The following PGS1 variants were observed in gnomAD, a reference collection of about 807,000 sequenced individuals.
PGS1 encodes the protein CDP-diacylglycerol--glycerol-3-phosphate 3-phosphatidyltransferase, mitochondrial.
PGS1 carries 44 observed loss-of-function variants against 58.3 expected under a neutral mutation model. The observed-to-expected ratio is 0.75, with a 90% CI of 0.59 to 0.97. The LOEUF (loss-of-function observed/expected upper bound fraction) is 0.97, where lower values mean the gene tolerates loss of function less well. PGS1 is among the 50% of genes least tolerant of loss of function. PGS1 has a pLI of 0.00. For missense variants in PGS1, 684 were observed against 731.1 expected (o/e 0.94, Z 0.74); for synonymous variants, 330 against 311.0 (o/e 1.06, Z -0.64).
At chr17:78,414,385 G>A (rs1435870563) in intron 7 of PGS1, among the ~76,000 whole-genome samples, 2 of 152,222 alleles carry the variant, frequency 1.3e-5, no homozygotes, top group African/African-American at 2.4e-5. Context: ...AGAAGCACGC[G>A]TGAGCTGATT....
At chr17:78,402,413 TATATATATATATATACAC>T (rs1430780200) in intron 6 of PGS1, among the ~76,000 whole-genome samples, 4,685 of 23,822 alleles carry the variant, frequency 0.2, 220 homozygotes, top group African/African-American at 0.37. Flanking sequence ...TATATATATA[TATATATATATATATACAC>T]ACACACACAC....
intron 9 of PGS1, chr17:78,420,066 C>A (rs1173975073): frequency 2.8e-6 from 3 of 1,060,400 alleles, no homozygotes; most frequent in African/African-American, 1.7e-5. Context: ...GAGATGTAGA[C>A]GTGGGAGGAG....
At chr17:78,394,414 G>A (rs981937226) in intron 2 of PGS1, among the ~76,000 whole-genome samples, 1 of 151,958 alleles carries the variant, frequency 6.6e-6, no homozygotes, top group Non-Finnish European at 1.5e-5. Context: ...GCACACAGGC[G>A]TGTCCTTTTG....
intron 8 of PGS1, among the ~76,000 whole-genome samples, 197 bp from the exon 9 acceptor site, chr17:78,419,349 A>G (rs542300435): frequency 3.1e-4 from 47 of 152,244 alleles, no homozygotes; most frequent in African/African-American, 1.1e-3. Context: ...TAGCTTTTCT[A>G]AGGAATGTTT....
chr17:78,413,784 C>T (rs1189127379), intron 7 of PGS1, among the ~76,000 whole-genome samples: 2 of 152,298 alleles, frequency 1.3e-5, no homozygotes, highest in East Asian at 1.9e-4. Context: ...TGCTGGGCTG[C>T]GGGAGTCGGC....
rs1160420885 is a variant in PGS1, at chr17:78,399,529, C to G, written c.693C>G (p.Ile231Met). ...IKVYLFDNSV[I>M]LSGANLSDSY... is the part of the protein sequence containing the mutation. ...TGTACCTCTTCGACAACAGCGTCATCTTGAGCGGGTGAGTGCTTCCCACCG... is the reference window on the plus strand; with the variant it reads ...TGTACCTCTTCGACAACAGCGTCATGTTGAGCGGGTGAGTGCTTCCCACCG... Residue 231 changes from isoleucine (I) to methionine (M), a missense_variant, in exon 5 of 10, where the codon ATC becomes ATG. Coordinates refer to ENST00000262764, the MANE Select transcript of PGS1 (RefSeq NM_024419.5). 1.2e-6 allele frequency: 2 copies of G among 1,614,164 alleles called. No individual in the cohort carries two copies. The highest frequency in any genetic ancestry group is 2.2e-5 in the South Asian group (2 of 91,080).
intron 1 of PGS1, among the ~76,000 whole-genome samples, chr17:78,384,327 G>A (rs2082233046): frequency 6.6e-6 from 1 of 152,184 alleles, no homozygotes; most frequent in Non-Finnish European, 1.5e-5. Context: ...AGGGCCGCCT[G>A]CTGCCAGGGT....
intron 9 of PGS1, among the ~76,000 whole-genome samples, chr17:78,422,099 C>T (rs1444992515): frequency 6.6e-6 from 1 of 152,186 alleles, no homozygotes; most frequent in African/African-American, 2.4e-5. Context: ...GATCTAAAGG[C>T]AAAATGGAAA....
intron 9 of PGS1, chr17:78,423,736 A>C (rs1349054490): frequency 1.1e-6 from 1 of 871,834 alleles, no homozygotes; most frequent in East Asian, 2.5e-5. Flanking sequence ...CACCTCTTCC[A>C]CACCAACCTC....
chr17:78,401,285 A>C (rs2083642635), intron 6 of PGS1, among the ~76,000 whole-genome samples: 1 of 152,166 alleles, frequency 6.6e-6, no homozygotes, highest in Non-Finnish European at 1.5e-5. Context: ...AGTGACCCAG[A>C]AGCCTGCCCT....
intron 9 of PGS1, among the ~76,000 whole-genome samples, chr17:78,422,965 G>A (rs1259722541): frequency 1.3e-5 from 2 of 152,004 alleles, no homozygotes; most frequent in African/African-American, 2.4e-5. Context: ...GTGTGGTGGT[G>A]GGTGCCTGTA....
At chr17:78,418,293 T>A (rs2085378622) in intron 8 of PGS1, among the ~76,000 whole-genome samples, 1 of 152,116 alleles carries the variant, frequency 6.6e-6, no homozygotes, top group Non-Finnish European at 1.5e-5. Context: ...ACTATAAAAA[T>A]TAAGAAAAAC....
At position 78,416,391 on chromosome 17, in the gene PGS1, T is replaced by A. The variant is rs80045282; in HGVS notation, c.1551+1364T>A. On this transcript the variant is annotated intron_variant, in intron 8 of 9. Transcript: ENST00000262764. ...ATTGCAGAGAGCCGTTCGCAGAGACTTCCACTGTAGCTCTGTGCCAGGGCG... is the reference window on the plus strand; with the variant it reads ...ATTGCAGAGAGCCGTTCGCAGAGACATCCACTGTAGCTCTGTGCCAGGGCG... Among the ~76,000 whole-genome samples the A allele has an allele frequency of 5.3e-5, 8 of 152,358 alleles. No individual in the cohort carries two copies. The East Asian group carries it at 1.5e-3, about 29-fold the overall frequency.
intron 1 of PGS1, among the ~76,000 whole-genome samples, chr17:78,392,106 C>A (rs1001317453): frequency 6.6e-6 from 1 of 152,154 alleles, no homozygotes; most frequent in African/African-American, 2.4e-5. Flanking sequence ...GAGGTAGATT[C>A]ATTAGAACGT....
chr17:78,403,817 A>AGC lies in PGS1; in HGVS notation c.1134_1135dup (p.Gly379AlafsTer14). The AGC allele has an allele frequency of 2.5e-6, 4 of 1,614,238 alleles. No homozygotes were observed. Among genetic ancestry groups the AGC allele is most frequent in the Non-Finnish European group, 3.4e-6 (4 of 1,180,054 alleles). On this transcript the variant is annotated frameshift_variant, in exon 7 of 10. Transcript: ENST00000262764. LOFTEE classifies it high-confidence loss of function. ...ACTGAGACCCTGTTGACTGAGGCGG[A>AGC]GCGCGGGGCAAAGGTCTACCTCACC...
intron 3 of PGS1, among the ~76,000 whole-genome samples, chr17:78,397,175 C>T (rs559423721): frequency 1.3e-5 from 2 of 150,950 alleles, no homozygotes; most frequent in South Asian, 4.2e-4. Flanking sequence ...GTGTTGGGGC[C>T]AGCGCAGGTT....
intron 4 of PGS1, among the ~76,000 whole-genome samples, chr17:78,399,046 C>T (rs1483922523): frequency 2.0e-5 from 3 of 152,172 alleles, no homozygotes; most frequent in East Asian, 1.9e-4. Context: ...AGAAATGCTG[C>T]GAGTGGGTGG....
chr17:78,416,486 AGCAAGTCCTCCAG>A (rs2085200116), intron 8 of PGS1, among the ~76,000 whole-genome samples: 1 of 152,106 alleles, frequency 6.6e-6, no homozygotes, highest in Non-Finnish European at 1.5e-5. Context: ...TGCTTGGGGG[AGCAAGTCCTCCAG>A]GCCTGTGCCT....
At chr17:78,392,227 T>C (rs1295569470) in intron 1 of PGS1, among the ~76,000 whole-genome samples, 2 of 152,226 alleles carry the variant, frequency 1.3e-5, no homozygotes, top group East Asian at 1.9e-4. Context: ...CTATAGGTAT[T>C]GACACTTCTC....
Sources: allele counts gnomAD v4.1 joint callset (sites outside exome capture counted in the v4.1 genomes callset), GRCh38; gene constraint gnomAD v4.1.1; transcripts MANE v1.5; gene names NCBI Gene and HGNC (gene_info 2026-07-23, HGNC 2026-07-21).